DLGAP1: variants seen among roughly 807,000 people sequenced by gnomAD.
The protein encoded by DLGAP1 is DLG associated protein 1.
Under a neutral mutation model 90.8 loss-of-function variants are expected in DLGAP1, and 11 were observed. The ratio of observed to expected loss-of-function variants is 0.12; its 90% CI spans 0.08 to 0.20. DLGAP1 has a LOEUF of 0.20. Among genes scored for constraint, DLGAP1 ranks in the 10% least tolerant of loss-of-function variants. DLGAP1 has a pLI of 1.00. For synonymous variants in DLGAP1, 558 were observed against 540.7 expected (o/e 1.03, Z -0.44); for missense variants, 1,050 against 1,333.8 (o/e 0.79, Z 3.31).
At chr18:3,584,181 T>G (rs1419936310) in intron 7 of DLGAP1, among the ~76,000 whole-genome samples, 2 of 152,210 alleles carry the variant, frequency 1.3e-5, no homozygotes, top group Admixed American at 6.5e-5. Context: ...CAAGTGGGAC[T>G]CCGGTCAGTG....
At position 3,550,900 on chromosome 18, in the gene DLGAP1, C is replaced by T. The variant is rs181558587; in HGVS notation, c.2058-16285G>A. Among the ~76,000 whole-genome samples, 95 of 151,826 alleles carry T rather than the reference C, an allele frequency of 6.3e-4. 1 individual carries two copies. Among genetic ancestry groups the T allele is most frequent in the African/African-American group, 2.2e-3 (90 of 41,338 alleles). On this transcript the variant is annotated intron_variant, in intron 9 of 12. Transcript: ENST00000315677. Reference sequence around the variant, plus strand: ...AGGATTACAGGGGCCCACCACCACGCCTGGCTAATTTTTGTATTTTTAGTA... The same window carrying T: ...AGGATTACAGGGGCCCACCACCACGTCTGGCTAATTTTTGTATTTTTAGTA...
chr18:3,806,182 A>G (rs2066548601), intron 5 of DLGAP1, among the ~76,000 whole-genome samples: 1 of 152,234 alleles, frequency 6.6e-6, no homozygotes, highest in Non-Finnish European at 1.5e-5. Context: ...AAAGCTAATA[A>G]CGAACTATGC....
chr18:4,032,951 C>G (rs140228566), intron 2 of DLGAP1, among the ~76,000 whole-genome samples: 2 of 151,968 alleles, frequency 1.3e-5, no homozygotes, highest in South Asian at 4.2e-4. Flanking sequence ...GAATTAATGA[C>G]AGAAAGCATG....
At chr18:3,617,376 A>G (rs1401295185) in intron 7 of DLGAP1, among the ~76,000 whole-genome samples, 1 of 152,110 alleles carries the variant, frequency 6.6e-6, no homozygotes, top group East Asian at 1.9e-4. Context: ...AGGCAGGTGG[A>G]TCACCTGAGG....
Position 3,664,214 on chromosome 18 carries a change from A to ACACC in DLGAP1, c.1591+64917_1591+64920dup, listed in dbSNP as rs879859809. 3.0e-5 allele frequency among the ~76,000 whole-genome samples: 3 copies of ACACC among 101,122 alleles called. No individual in the cohort carries two copies. The East Asian group carries it at 6.7e-4, about 23-fold the overall frequency. The allele number at this position is 101,122 out of a possible 152,430, so 66.3% of individuals were successfully genotyped here. A position where few individuals can be genotyped will look rare whatever the true frequency, so the allele number is the denominator to read the frequency against. On this transcript the variant is annotated intron_variant, in intron 7 of 12. Coordinates refer to ENST00000315677, the MANE Select transcript of DLGAP1 (RefSeq NM_004746.4). The stretch of plus-strand genomic sequence containing the variant: ...CACACACACACACACACACACACAC[A>ACACC]CACCCACACACACACACACACACGG...
chr18:3,574,779 T>TTTTTATTTTATTTTATTTTA (rs71366687), intron 8 of DLGAP1, among the ~76,000 whole-genome samples: 39 of 140,862 alleles, frequency 2.8e-4, no homozygotes, highest in African/African-American at 8.5e-4. Flanking sequence ...ATAATGTGCC[T>TTTTTATTTTATTTTATTTTA]TTTTATTTTA....
rs1175305325 is a variant in DLGAP1 at position 3,517,742 on chromosome 18, G to A, written c.2480-9081C>T. Among the ~76,000 whole-genome samples the A allele has an allele frequency of 2.0e-5, 3 of 151,850 alleles. No homozygotes were observed. Among genetic ancestry groups the A allele is most frequent in the South Asian group, 2.1e-4 (1 of 4,814 alleles). ...TGAGGCAGGAGAATCACTTGAACCC[G>A]GGAGGCAGAGGTTGCAGTGAGCCGA... On this transcript the variant is annotated intron_variant, in intron 10 of 12. Coordinates refer to ENST00000315677, the MANE Select transcript of DLGAP1 (RefSeq NM_004746.4). This position sits in a 1 kb window ranked among gnomAD's most constrained non-coding sequence, Gnocchi z 4.1.
intron 10 of DLGAP1, among the ~76,000 whole-genome samples, chr18:3,523,813 A>G (rs1037182678): frequency 2.7e-5 from 4 of 149,834 alleles, no homozygotes; most frequent in African/African-American, 7.4e-5. Flanking sequence ...GCGCCACTGC[A>G]CTCCAGCCTG....
intron 1 of DLGAP1, among the ~76,000 whole-genome samples, chr18:4,428,176 C>T (rs2083198974): frequency 6.6e-6 from 1 of 152,134 alleles, no homozygotes; most frequent in African/African-American, 2.4e-5. Flanking sequence ...GGTGGTGGGG[C>T]CTGGTGGGAG....
intron 1 of DLGAP1, among the ~76,000 whole-genome samples, chr18:4,266,102 C>A (rs2079126605): frequency 6.6e-6 from 1 of 152,128 alleles, no homozygotes; most frequent in South Asian, 2.1e-4. Flanking sequence ...TTGTAGGATA[C>A]ACAAAAGATC....
chr18:4,270,954 T>G (rs2079265076), intron 1 of DLGAP1, among the ~76,000 whole-genome samples: 1 of 152,212 alleles, frequency 6.6e-6, no homozygotes. Flanking sequence ...AGTAACAATT[T>G]TCATCAGAAA....
rs553430299 is a variant in DLGAP1, at chr18:3,775,057, C to T, written c.1173-32545G>A. 1.8e-4 allele frequency among the ~76,000 whole-genome samples: 27 copies of T among 152,326 alleles called. No individual in the cohort carries two copies. The South Asian group carries it at 5.4e-3, about 30-fold the overall frequency. ...ACGGACTTTTTTCACAAACCACTGT[C>T]GCTCTGCAGGCCCCACAGGCTTTGT... On this transcript the variant is annotated intron_variant, in intron 5 of 12. Coordinates refer to ENST00000315677, the MANE Select transcript of DLGAP1 (RefSeq NM_004746.4). The surrounding 1 kb of genome is among the most constrained non-coding windows in gnomAD (Gnocchi z 4.9).
At chr18:3,923,168 C>T (rs1214337833) in intron 3 of DLGAP1, among the ~76,000 whole-genome samples, 1 of 139,204 alleles carries the variant, frequency 7.2e-6, no homozygotes, top group African/African-American at 2.5e-5. Flanking sequence ...ACTAATTTTG[C>T]TCCCACTAAC....
intron 2 of DLGAP1, among the ~76,000 whole-genome samples, chr18:4,057,449 T>C (rs888768028): frequency 6.6e-6 from 1 of 152,168 alleles, no homozygotes; most frequent in African/African-American, 2.4e-5. Context: ...GGAAGGCCAC[T>C]GCGCATGTGG....
At chr18:3,801,673 T>C (rs570922844) in intron 5 of DLGAP1, among the ~76,000 whole-genome samples, 1 of 152,176 alleles carries the variant, frequency 6.6e-6, no homozygotes, top group Non-Finnish European at 1.5e-5. Context: ...CTTCTAAGTG[T>C]TAGTCATTAC....
chr18:3,572,416 T>A (rs1411931861), intron 8 of DLGAP1, among the ~76,000 whole-genome samples: 2 of 147,264 alleles, frequency 1.4e-5, no homozygotes, highest in East Asian at 4.1e-4. Context: ...GAAGTTTAGA[T>A]TGGTTTCTTT....
chr18:4,387,244 C>G (rs2082248027), intron 1 of DLGAP1, among the ~76,000 whole-genome samples: 1 of 152,118 alleles, frequency 6.6e-6, no homozygotes, highest in Non-Finnish European at 1.5e-5. Context: ...CACACCTGCA[C>G]AGCATTTTTC....
chr18:4,401,770 G>A (rs2082559960), intron 1 of DLGAP1, among the ~76,000 whole-genome samples: 2 of 152,226 alleles, frequency 1.3e-5, no homozygotes, highest in Admixed American at 1.3e-4. Flanking sequence ...AATGCTGAAT[G>A]TTATCTATGT....
chr18:4,347,910 A>C (rs2081328831), intron 1 of DLGAP1, among the ~76,000 whole-genome samples: 1 of 31,580 alleles, frequency 3.2e-5, no homozygotes, highest in Admixed American at 3.2e-4. Context: ...AACACTTAAG[A>C]ATCAATAATA....
Sources: allele counts gnomAD v4.1 joint callset (sites outside exome capture counted in the v4.1 genomes callset), GRCh38; gene constraint gnomAD v4.1.1; non-coding constraint Gnocchi (gnomAD v3.1); transcripts MANE v1.5; gene names NCBI Gene and HGNC (gene_info 2026-07-23, HGNC 2026-07-21).